The following LONRF2 variants were observed in gnomAD, a reference collection of about 807,000 sequenced individuals.
The protein encoded by LONRF2 is LON peptidase N-terminal domain and RING finger protein 2.
LONRF2 carries 35 observed loss-of-function variants against 66.6 expected under a neutral mutation model. The observed-to-expected ratio is 0.53, with a 90% CI of 0.40 to 0.70. The LOEUF is 0.70. Among genes scored for constraint, LONRF2 ranks in the 30% least tolerant of loss-of-function variants. LONRF2 has a pLI of 0.00. For missense variants in LONRF2, 902 were observed against 1,002.1 expected (o/e 0.90, Z 1.35); for synonymous variants, 417 against 418.1 (o/e 1.00, Z 0.03).
At chr2:100,317,128 T>C (rs565759196) in intron 1 of LONRF2, among the ~76,000 whole-genome samples, 1 of 152,312 alleles carries the variant, frequency 6.6e-6, no homozygotes, top group South Asian at 2.1e-4. Context: ...CTGCCAACAT[T>C]TAGTTTTTAA....
Position 100,276,651 on chromosome 2 carries a change from C to G in LONRF2, c.*7647G>C, listed in dbSNP as rs6542924. On this transcript the variant is annotated 3_prime_UTR_variant, in exon 12 of 12. Coordinates refer to ENST00000393437, the MANE Select transcript of LONRF2 (RefSeq NM_198461.4). Reference sequence around the variant, plus strand: ...TCCTATCCTTAAACCTGGAAAAAAACAAGTGTGCCTCATGGTGGATTACTA... The same window carrying G: ...TCCTATCCTTAAACCTGGAAAAAAAGAAGTGTGCCTCATGGTGGATTACTA... 5 of 151,776 alleles carry G rather than the reference C, an allele frequency of 3.3e-5. No individual in the cohort carries two copies. Among genetic ancestry groups the G allele is most frequent in the Non-Finnish European group, 7.4e-5 (5 of 67,954 alleles). The allele number at this position is 151,776 out of a possible 1,614,324, so 9.4% of individuals were successfully genotyped here. A position where few individuals can be genotyped will look rare whatever the true frequency, so the allele number is the denominator to read the frequency against.
chr2:100,306,229 T>C (rs1298425965), intron 2 of LONRF2, among the ~76,000 whole-genome samples: 3 of 152,102 alleles, frequency 2.0e-5, no homozygotes, highest in Non-Finnish European at 4.4e-5. Flanking sequence ...AAGTACAAAA[T>C]TAAGAATACA....
rs1261143883 is a variant in LONRF2, at chr2:100,272,381, C to T, written c.*11917G>A. On this transcript the variant is annotated 3_prime_UTR_variant, in exon 12 of 12. Transcript: ENST00000393437. ...GGGTATAGCGGCATGCACCTGTGGT[C>T]CCAGCTACTCAGAAGGTTGAGGCAG... is the stretch of plus-strand genomic sequence containing the variant. 6.6e-6 allele frequency among the ~76,000 whole-genome samples: 1 copy of T among 152,032 alleles called. No homozygotes were observed.
At chr2:100,315,392 T>C (rs773213013) in intron 1 of LONRF2, among the ~76,000 whole-genome samples, 1 of 152,210 alleles carries the variant, frequency 6.6e-6, no homozygotes, top group Non-Finnish European at 1.5e-5. Flanking sequence ...CTACAAATAA[T>C]GACAGTTTTT....
intron 1 of LONRF2, among the ~76,000 whole-genome samples, chr2:100,318,166 G>A (rs940722011): frequency 1.3e-5 from 2 of 152,042 alleles, no homozygotes; most frequent in African/African-American, 4.8e-5. Context: ...CTGTGATTCA[G>A]TTTGGATATT....
At chr2:100,297,215 G>A (rs1290310989) in intron 7 of LONRF2, among the ~76,000 whole-genome samples, 2 of 151,790 alleles carry the variant, frequency 1.3e-5, no homozygotes, top group African/African-American at 4.8e-5. Context: ...TGCAAGCTCC[G>A]CCTCCCGGGT....
chr2:100,322,239 G>C lies in LONRF2; in HGVS notation c.-146C>G. The C allele has an allele frequency of 1.3e-6, 1 of 785,842 alleles. No individual in the cohort carries two copies. The highest frequency in any genetic ancestry group is 1.7e-6 in the Non-Finnish European group (1 of 605,232). The allele number at this position is 785,842 out of a possible 1,614,324, so 48.7% of individuals were successfully genotyped here. A position where few individuals can be genotyped will look rare whatever the true frequency, so the allele number is the denominator to read the frequency against. The stretch of plus-strand genomic sequence containing the variant: ...TGGGGGCGGCGCGCTGCGAGCGGCT[G>C]AGACCGCGGGCGGGGGCGGGCGCCT... On this transcript the variant is annotated 5_prime_UTR_variant, in exon 1 of 12. Coordinates refer to ENST00000393437, the MANE Select transcript of LONRF2 (RefSeq NM_198461.4).
Position 100,299,088 on chromosome 2 carries a change from T to C in LONRF2, c.1361+138A>G, listed in dbSNP as rs1017342576. 2.8e-5 allele frequency: 24 copies of C among 859,570 alleles called. No homozygotes were observed. The African/African-American group carries it at 3.8e-4, about 14-fold the overall frequency. The allele number at this position is 859,570 out of a possible 1,614,324, so 53.2% of individuals were successfully genotyped here. On this transcript the variant is annotated intron_variant, in intron 6 of 11. Transcript: ENST00000393437. ...GCATGCACTTTCATTTTATATCTTA[T>C]TAAATCTTTAGAAAATAAATCAATT...
At chr2:100,304,133 A>G (rs1226214534) in intron 2 of LONRF2, among the ~76,000 whole-genome samples, 1 of 148,984 alleles carries the variant, frequency 6.7e-6, no homozygotes. Flanking sequence ...AGCATTGATA[A>G]TTTTTATCTC....
chr2:100,308,463 CT>C (rs1559181204), intron 2 of LONRF2, among the ~76,000 whole-genome samples: 1 of 152,154 alleles, frequency 6.6e-6, no homozygotes. Flanking sequence ...TAATTATTAA[CT>C]GACTAAAAGA....
Position 100,294,244 on chromosome 2 carries a change from GA to G in LONRF2, c.1741del (p.Ser581LeufsTer19). On this transcript the variant is annotated frameshift_variant, in exon 9 of 12. Transcript: ENST00000393437. LOFTEE classifies it high-confidence loss of function. ...CAGTTCTTACCCCGCGTGCTCAGCA[GA>G]TAAACACATGCCAAACCGCTTGGTG... ...TGTKRFGMCL[S>X]AEHAGLSEYG... 1 of 1,604,796 alleles carries G rather than the reference GA, an allele frequency of 6.2e-7. No homozygotes were observed. The highest frequency in any genetic ancestry group is 8.5e-7 in the Non-Finnish European group (1 of 1,176,606).
At chr2:100,312,252 T>C (rs544103945) in intron 1 of LONRF2, among the ~76,000 whole-genome samples, 1 of 152,182 alleles carries the variant, frequency 6.6e-6, no homozygotes, top group Non-Finnish European at 1.5e-5. Context: ...AAATTGTCCT[T>C]TTTATATAAG....
chr2:100,273,675 C>T lies in LONRF2; in HGVS notation c.*10623G>A, dbSNP rs565195375. ...TGACCTGTATCACAGGATATGACAA[C>T]ACATCACCTATCTCCAAACAAGAAA... On this transcript the variant is annotated 3_prime_UTR_variant, in exon 12 of 12. Coordinates refer to ENST00000393437, the MANE Select transcript of LONRF2 (RefSeq NM_198461.4). 3 of 152,318 alleles carry T rather than the reference C, an allele frequency of 2.0e-5. No individual in the cohort carries two copies. The highest frequency in any genetic ancestry group is 3.9e-4 in the East Asian group (2 of 5,186). The allele number at this position is 152,318 out of a possible 1,614,324, so 9.4% of individuals were successfully genotyped here. A position where few individuals can be genotyped will look rare whatever the true frequency, so the allele number is the denominator to read the frequency against.
intron 3 of LONRF2, among the ~76,000 whole-genome samples, chr2:100,302,156 G>T (rs1675197252): frequency 6.6e-6 from 1 of 152,180 alleles, no homozygotes; most frequent in Non-Finnish European, 1.5e-5. Context: ...GGGTACATTA[G>T]AACACATCCA....
At position 100,286,924 on chromosome 2, in the gene LONRF2, G is replaced by A. The variant is rs771972301; in HGVS notation, c.2060C>T (p.Pro687Leu). ...AAAGGGAGGGCATACCTGAGGCTCA[G>A]GTTCTCTGTCTGGCATTACCCCAAA... is the stretch of plus-strand genomic sequence containing the variant. ...SHFGVMPDRE[P>L]EPQSNPSGPA... is the part of the protein sequence containing the mutation. The change falls in exon 11 of 12, where the codon CCT (proline) becomes CTT (leucine). Residue 687 changes from proline to leucine, a missense_variant. This residue lies in a region of LONRF2 where 317 missense variants were observed against 432.2 expected (regional missense o/e 0.73). Coordinates refer to ENST00000393437, the MANE Select transcript of LONRF2 (RefSeq NM_198461.4). 10 of 1,613,742 alleles carry A rather than the reference G, an allele frequency of 6.2e-6. No individual in the cohort carries two copies. In the South Asian group the frequency reaches 1.1e-4, roughly 18 times the overall value.
chr2:100,300,004 T>A, intron 4 of LONRF2, 86 bp from the exon 5 acceptor site: 3 of 474,824 alleles, frequency 6.3e-6, no homozygotes, highest in Non-Finnish European at 9.9e-6. Flanking sequence ...GTACTAGAAA[T>A]CTTTGGAAAA....
intron 6 of LONRF2, 32 bp downstream of exon 6, chr2:100,299,194 A>C: frequency 6.7e-7 from 1 of 1,483,082 alleles, no homozygotes. Flanking sequence ...CTGCAGTTTT[A>C]AAAGAGTTGC....
In LONRF2 at chr2:100,279,378, G is replaced by C. The variant is rs1674666181; in HGVS notation, c.*4920C>G. On this transcript the variant is annotated 3_prime_UTR_variant, in exon 12 of 12. Coordinates refer to ENST00000393437, the MANE Select transcript of LONRF2 (RefSeq NM_198461.4). Reference sequence around the variant, plus strand: ...CTTGACTAATGCCACACACATGAGAGACTCAGCTATGGGCCAGCCTAAGGG... The same window carrying C: ...CTTGACTAATGCCACACACATGAGACACTCAGCTATGGGCCAGCCTAAGGG... 1 of 150,962 alleles carries C rather than the reference G, an allele frequency of 6.6e-6. No homozygotes were observed. Among genetic ancestry groups the C allele is most frequent in the African/African-American group, 2.4e-5 (1 of 41,116 alleles). 9.4% of individuals were successfully genotyped at this position (150,962 alleles called of 1,614,324 possible).
chr2:100,300,026 G>GA (rs386390737), intron 4 of LONRF2, 108 bp from the exon 5 acceptor site: 3 of 488,694 alleles, frequency 6.1e-6, no homozygotes, highest in East Asian at 4.6e-5. Flanking sequence ...AAAAGGGGGG[G>GA]GCATACACTC....
Sources: allele counts gnomAD v4.1 joint callset (sites outside exome capture counted in the v4.1 genomes callset), GRCh38; gene constraint gnomAD v4.1.1; regional missense constraint gnomAD v4.1.1; transcripts MANE v1.5; gene names NCBI Gene and HGNC (gene_info 2026-07-23, HGNC 2026-07-21).